The following PLCH1 variants were observed in gnomAD, a reference collection of about 807,000 sequenced individuals.
The protein encoded by PLCH1 is 1-phosphatidylinositol 4,5-bisphosphate phosphodiesterase eta-1.
Under a neutral mutation model 126.7 loss-of-function variants are expected in PLCH1, and 60 were observed. That is an observed-to-expected ratio of 0.47 (90% CI 0.38 to 0.59). The LOEUF is 0.59. PLCH1 is among the 20% of genes least tolerant of loss of function. PLCH1 has a pLI of 0.00. For synonymous variants in PLCH1, 719 were observed against 734.9 expected (o/e 0.98, Z 0.35); for missense variants, 1,723 against 2,040.0 (o/e 0.84, Z 2.99).
chr3:155,565,735 G>A (rs1016697741), intron 7 of PLCH1, among the ~76,000 whole-genome samples: 5 of 143,426 alleles, frequency 3.5e-5, no homozygotes, highest in South Asian at 2.2e-4. Context: ...TTGCTTTGTC[G>A]CCCAGGCTGG....
At chr3:155,508,725 GC>G (rs1264555378) in intron 12 of PLCH1, among the ~76,000 whole-genome samples, 2 of 95,864 alleles carry the variant, frequency 2.1e-5, no homozygotes, top group Non-Finnish European at 3.9e-5. Context: ...TGATGGATAA[GC>G]TTTTTGATGT....
intron 10 of PLCH1, among the ~76,000 whole-genome samples, chr3:155,543,119 C>G (rs1724619093): frequency 6.6e-6 from 1 of 152,022 alleles, no homozygotes; most frequent in Admixed American, 6.5e-5. Context: ...AAACCAAAGG[C>G]AAAGAAGTTG....
chr3:155,717,542 A>C (rs1034146534), intron 1 of PLCH1, among the ~76,000 whole-genome samples: 2 of 152,232 alleles, frequency 1.3e-5, no homozygotes, highest in Admixed American at 6.5e-5. Context: ...CTACAGGCTT[A>C]ATTCCACATG....
intron 2 of PLCH1, among the ~76,000 whole-genome samples, chr3:155,674,301 T>C (rs1399529857): frequency 1.3e-5 from 2 of 152,172 alleles, no homozygotes; most frequent in African/African-American, 2.4e-5. Context: ...GGAGCAAACA[T>C]GGGCTTTATA....
Position 155,693,882 on chromosome 3 carries a change from A to T in PLCH1, c.79+10264T>A, listed in dbSNP as rs530679265. On this transcript the variant is annotated intron_variant, in intron 2 of 22. Transcript: ENST00000460012. ...GAGGCAGAGGTTGCAGTAAGCCAAG[A>T]TGGGGCCATCGCACTCCAGCCTGGG... is the stretch of plus-strand genomic sequence containing the variant. 2.9e-3 allele frequency among the ~76,000 whole-genome samples: 445 copies of T among 152,120 alleles called. 1 individual carries two copies. The highest frequency in any genetic ancestry group is 6.0e-3 in the South Asian group (29 of 4,800).
intron 2 of PLCH1, among the ~76,000 whole-genome samples, chr3:155,684,311 G>T (rs577009977): frequency 6.6e-6 from 1 of 152,106 alleles, no homozygotes; most frequent in Non-Finnish European, 1.5e-5. Flanking sequence ...CTAGATTATT[G>T]AACACAACAG....
intron 2 of PLCH1, among the ~76,000 whole-genome samples, chr3:155,606,507 T>G (rs1004622307): frequency 3.3e-5 from 5 of 152,332 alleles, no homozygotes; most frequent in Middle Eastern, 3.4e-3. Flanking sequence ...AAATATACTT[T>G]TAGAGATATA....
chr3:155,459,015 G>C (rs1241860515), intron 21 of PLCH1, among the ~76,000 whole-genome samples: 1 of 152,200 alleles, frequency 6.6e-6, no homozygotes, highest in Admixed American at 6.5e-5. Flanking sequence ...ACTGGTTCCA[G>C]AGTGGGATAG....
chr3:155,523,977 C>A lies in PLCH1; in HGVS notation c.1390G>T (p.Asp464Tyr). 6.2e-7 allele frequency: 1 copy of A among 1,605,972 alleles called. No individual in the cohort carries two copies. Among genetic ancestry groups the A allele is most frequent in the South Asian group, 1.1e-5 (1 of 90,252 alleles). The change falls in exon 11 of 23, where the codon GAT becomes TAT. Residue 464 changes from aspartate (D) to tyrosine (Y), a missense_variant. Transcript: ENST00000460012. Reference sequence around the variant, plus strand: ...GAAACTTCCCCTTCCTCTGCATCATCCCCAAGGTGATAAGGCAACTTCTTA... The same window carrying A: ...GAAACTTCCCCTTCCTCTGCATCATACCCAAGGTGATAAGGCAACTTCTTA... ...KGKKLPYHLG[D>Y]DAEEGEVSDE... is the part of the protein sequence containing the mutation.
Position 155,595,149 on chromosome 3 carries a change from T to A in PLCH1, c.227-965A>T, listed in dbSNP as rs141208148. The stretch of plus-strand genomic sequence containing the variant: ...TTGGAAAGCTCAACAGGGAGAATAA[T>A]GGGAGATAAAACTGGAAAGGTAGAC... On this transcript the variant is annotated intron_variant, in intron 3 of 22. Transcript: ENST00000460012. Among the ~76,000 whole-genome samples, 363 of 152,190 alleles carry A rather than the reference T, an allele frequency of 2.4e-3. 3 individuals are homozygous for A. Among genetic ancestry groups the A allele is most frequent in the Middle Eastern group, 6.8e-3 (2 of 294 alleles).
chr3:155,714,872 A>T (rs530743956), intron 1 of PLCH1, among the ~76,000 whole-genome samples: 1 of 152,312 alleles, frequency 6.6e-6, no homozygotes, highest in Non-Finnish European at 1.5e-5. Context: ...ATTGCTCTCA[A>T]AAGGCTTTTA....
At chr3:155,667,347 A>G (rs1429797363) in intron 2 of PLCH1, among the ~76,000 whole-genome samples, 1 of 152,186 alleles carries the variant, frequency 6.6e-6, no homozygotes, top group South Asian at 2.1e-4. Flanking sequence ...ATGATAAAGT[A>G]AAAAGGGGAA....
chr3:155,482,406 G>C lies in PLCH1; in HGVS notation c.3620C>G (p.Ser1207Cys), dbSNP rs1404161471. ...CATCACACTGGTATTATGAAGATGA[G>C]AAACAACTGTGAGAGCCTGATTGTT... is the stretch of plus-strand genomic sequence containing the variant. The part of the protein sequence containing the change: ...ETNNQALTVV[S>C]HLHNTSVMSG... Residue 1207 changes from serine (S) to cysteine (C), a missense_variant, in exon 23 of 23, where the codon TCT becomes TGT. Transcript: ENST00000460012. 6.2e-7 allele frequency: 1 copy of C among 1,614,026 alleles called. No individual in the cohort carries two copies. Among genetic ancestry groups the C allele is most frequent in the African/African-American group, 1.3e-5 (1 of 74,898 alleles).
intron 2 of PLCH1, among the ~76,000 whole-genome samples, chr3:155,640,850 A>C (rs1179489468): frequency 6.6e-6 from 1 of 152,076 alleles, no homozygotes; most frequent in East Asian, 1.9e-4. Context: ...TCAGTCCACT[A>C]CTCCGCTAGC....
intron 8 of PLCH1, among the ~76,000 whole-genome samples, chr3:155,555,277 G>A (rs1158770819): frequency 6.6e-6 from 1 of 152,160 alleles, no homozygotes; most frequent in Non-Finnish European, 1.5e-5. Context: ...GAACACAGCT[G>A]GACTCTATTT....
chr3:155,506,345 C>CTTTTTTT (rs57746252), intron 12 of PLCH1, among the ~76,000 whole-genome samples: 1 of 130,704 alleles, frequency 7.7e-6, no homozygotes, highest in African/African-American at 2.9e-5. Context: ...TTCTCACTCT[C>CTTTTTTT]TTTTTTTTTT....
chr3:155,702,013 A>G (rs1450688774), intron 2 of PLCH1, among the ~76,000 whole-genome samples: 1 of 152,220 alleles, frequency 6.6e-6, no homozygotes, highest in Admixed American at 6.5e-5. Context: ...AGGATTTAAT[A>G]TCTCTAAATC....
At chr3:155,514,308 G>C (rs1720009885) in intron 12 of PLCH1, among the ~76,000 whole-genome samples, 1 of 152,184 alleles carries the variant, frequency 6.6e-6, no homozygotes, top group Non-Finnish European at 1.5e-5. Flanking sequence ...TAGGATCCAA[G>C]GGCGGTCACC....
intron 1 of PLCH1, among the ~76,000 whole-genome samples, chr3:155,718,553 C>T (rs572212699): frequency 3.0e-4 from 46 of 152,228 alleles, no homozygotes; most frequent in Non-Finnish European, 3.4e-4. Context: ...CACCAGCATC[C>T]GCATCTAGGG....
Sources: allele counts gnomAD v4.1 joint callset (sites outside exome capture counted in the v4.1 genomes callset), GRCh38; gene constraint gnomAD v4.1.1; transcripts MANE v1.5; gene names NCBI Gene and HGNC (gene_info 2026-07-23, HGNC 2026-07-21).